MYLK: variants seen among roughly 807,000 people sequenced by gnomAD.
MYLK encodes myosin light chain kinase.
A neutral mutation model predicts 203.4 loss-of-function variants in MYLK; 106 were observed. The observed-to-expected ratio is 0.52, with a 90% CI of 0.45 to 0.61. The LOEUF is 0.61. Among genes scored for constraint, MYLK ranks in the 20% least tolerant of loss-of-function variants. MYLK has a pLI of 0.00. For missense variants in MYLK, 2,072 were observed against 2,442.3 expected, an observed-to-expected ratio of 0.85 and a Z score of 3.20; for synonymous variants, 867 against 959.5, an observed-to-expected ratio of 0.90 and a Z score of 1.78.
intron 2 of MYLK, among the ~76,000 whole-genome samples, chr3:123,867,453 T>A (rs1403586413): frequency 2.0e-5 from 3 of 149,196 alleles, no homozygotes; most frequent in Non-Finnish European, 3.0e-5. Context: ...AGGAGGAAAT[T>A]TGGATGCATT....
intron 27 of MYLK, among the ~76,000 whole-genome samples, chr3:123,645,721 C>T (rs915570416): frequency 6.6e-6 from 1 of 152,224 alleles, no homozygotes; most frequent in Non-Finnish European, 1.5e-5. Flanking sequence ...GGAAACCACT[C>T]AATCTCTATC....
At position 123,833,673 on chromosome 3, in the gene MYLK, A is replaced by C. The variant is rs140320585; in HGVS notation, c.-126-2003T>G. Reference sequence around the variant, plus strand: ...CTTCTCAAATAATTAGAAGCCACTCACAAGAAAACAAAAAATAAAGCTGTT... The same window carrying C: ...CTTCTCAAATAATTAGAAGCCACTCCCAAGAAAACAAAAAATAAAGCTGTT... On this transcript the variant is annotated intron_variant, in intron 2 of 33. Transcript: ENST00000360304. 9.6e-4 allele frequency among the ~76,000 whole-genome samples: 146 copies of C among 152,312 alleles called. 1 individual carries two copies. The highest frequency in any genetic ancestry group is 3.4e-3 in the African/African-American group (140 of 41,572).
chr3:123,692,935 C>A, intron 18 of MYLK, 84 bp from the exon 19 acceptor site: 4 of 1,196,938 alleles, frequency 3.3e-6, no homozygotes, highest in South Asian at 1.2e-5. Context: ...GAGTGTTACT[C>A]GCACGGGCAG....
intron 21 of MYLK, 57 bp downstream of exon 21, chr3:123,667,080 G>A: frequency 6.5e-7 from 1 of 1,548,620 alleles, no homozygotes; most frequent in African/African-American, 1.4e-5. Flanking sequence ...CAAGGTAAAG[G>A]CAAAACCCCC....
At chr3:123,672,175 G>C (rs745316311) in intron 20 of MYLK, among the ~76,000 whole-genome samples, 1 of 150,772 alleles carries the variant, frequency 6.6e-6, no homozygotes. Flanking sequence ...TATAAGAAGA[G>C]ATTAGGAAGA....
chr3:123,837,912 A>C (rs2066512081), intron 2 of MYLK, among the ~76,000 whole-genome samples: 1 of 152,150 alleles, frequency 6.6e-6, no homozygotes, highest in Non-Finnish European at 1.5e-5. Context: ...GAAAACAAAG[A>C]ATCTAAAAGC....
intron 4 of MYLK, among the ~76,000 whole-genome samples, chr3:123,756,141 G>A (rs989199161): frequency 1.3e-5 from 2 of 152,200 alleles, no homozygotes; most frequent in African/African-American, 4.8e-5. Flanking sequence ...TTGGTTTCCA[G>A]GTTGAGTGGT....
chr3:123,644,211 A>T (rs966883796), intron 27 of MYLK, among the ~76,000 whole-genome samples: 26 of 152,300 alleles, frequency 1.7e-4, no homozygotes, highest in Non-Finnish European at 1.2e-4. Context: ...CAAGGTTAGC[A>T]CATTGCACTG....
chr3:123,778,901 C>T (rs961856016), intron 4 of MYLK, among the ~76,000 whole-genome samples: 1 of 152,194 alleles, frequency 6.6e-6, no homozygotes, highest in African/African-American at 2.4e-5. Context: ...AAACCACTCT[C>T]GACAAAGTGC....
At chr3:123,620,658 G>A in intron 31 of MYLK, 1 of 1,110,282 alleles carries the variant, frequency 9.0e-7, no homozygotes, top group Non-Finnish European at 1.1e-6. Flanking sequence ...TTTATATAAA[G>A]CAACTGCAGG....
intron 17 of MYLK, 118 bp from the exon 18 acceptor site, chr3:123,701,123 T>G (rs2061194949): frequency 1.6e-5 from 19 of 1,188,908 alleles, no homozygotes; most frequent in African/African-American, 3.2e-5. Flanking sequence ...CGGGAGGGGA[T>G]GGGGGAGGCC....
intron 4 of MYLK, among the ~76,000 whole-genome samples, chr3:123,781,865 C>T (rs1248060980): frequency 6.6e-6 from 1 of 152,140 alleles, no homozygotes; most frequent in Admixed American, 6.6e-5. Flanking sequence ...CAAATCTAAA[C>T]ACTCAAAATC....
At chr3:123,828,357 G>C (rs1263513109) in intron 3 of MYLK, among the ~76,000 whole-genome samples, 1 of 152,078 alleles carries the variant, frequency 6.6e-6, no homozygotes, top group Non-Finnish European at 1.5e-5. Flanking sequence ...TTGGGAAAAG[G>C]ATACTCTCTT....
At chr3:123,699,140 C>T (rs1287086489) in intron 18 of MYLK, among the ~76,000 whole-genome samples, 1 of 152,092 alleles carries the variant, frequency 6.6e-6, no homozygotes, top group African/African-American at 2.4e-5. Context: ...CGCTGGCTGC[C>T]AGAATGGGGT....
At chr3:123,678,194 G>T (rs1355053872) in intron 20 of MYLK, among the ~76,000 whole-genome samples, 1 of 151,908 alleles carries the variant, frequency 6.6e-6, no homozygotes, top group Non-Finnish European at 1.5e-5. Context: ...ATTTTGTTCA[G>T]CCTGCAGCTG....
intron 20 of MYLK, among the ~76,000 whole-genome samples, chr3:123,679,566 A>G (rs893671015): frequency 4.6e-5 from 7 of 152,064 alleles, no homozygotes; most frequent in Admixed American, 3.9e-4. Context: ...AAAAGGGTAC[A>G]AAGTGGCCAT....
chr3:123,726,654 A>G (rs1434555458), intron 11 of MYLK, among the ~76,000 whole-genome samples: 1 of 152,206 alleles, frequency 6.6e-6, no homozygotes, highest in Non-Finnish European at 1.5e-5. Flanking sequence ...TTCTAGGTCA[A>G]GGGCTCAGAG....
At chr3:123,824,582 G>A (rs2066049755) in intron 3 of MYLK, among the ~76,000 whole-genome samples, 1 of 152,018 alleles carries the variant, frequency 6.6e-6, no homozygotes, top group South Asian at 2.1e-4. Flanking sequence ...TCTGGGGAAG[G>A]GGACTGAATT....
At chr3:123,691,336 C>A (rs1343313792) in intron 19 of MYLK, 2 of 152,182 alleles carry the variant, frequency 1.3e-5, no homozygotes, top group Non-Finnish European at 2.9e-5. Context: ...ATCCACTGTG[C>A]AGAACCTCAA....
Sources: allele counts gnomAD v4.1 joint callset (sites outside exome capture counted in the v4.1 genomes callset), GRCh38; gene constraint gnomAD v4.1.1; transcripts MANE v1.5; gene names NCBI Gene and HGNC (gene_info 2026-07-23, HGNC 2026-07-21).